The following SENP7 variants were observed in gnomAD, a reference collection of about 807,000 sequenced individuals.
SENP7 encodes the protein SUMO specific peptidase 7, also known as sentrin-specific protease 7.
A neutral mutation model predicts 141.2 loss-of-function variants in SENP7; 64 were observed. That is an observed-to-expected ratio of 0.45 (90% CI 0.37 to 0.56). The LOEUF is 0.56. Ranked by LOEUF, SENP7 falls within the 20% of genes least tolerant of loss-of-function variation. The pLI, the probability that SENP7 is intolerant of heterozygous loss-of-function variation, is 0.00. For missense variants in SENP7, 1,025 were observed against 1,212.2 expected (o/e 0.85, Z 2.29); for synonymous variants, 382 against 426.4 (o/e 0.90, Z 1.28).
intron 3 of SENP7, among the ~76,000 whole-genome samples, chr3:101,474,721 T>C (rs2064145472): frequency 6.6e-6 from 1 of 152,164 alleles, no homozygotes; most frequent in South Asian, 2.1e-4. Flanking sequence ...CTATGTTGAA[T>C]AAGAGTGATG....
intron 1 of SENP7, among the ~76,000 whole-genome samples, chr3:101,508,175 A>G (rs557359831): frequency 2.0e-5 from 3 of 152,224 alleles, no homozygotes; most frequent in Admixed American, 2.0e-4. Context: ...TTTACGTATC[A>G]TCAAAATTCA....
At chr3:101,480,798 G>A (rs1051608608) in intron 3 of SENP7, among the ~76,000 whole-genome samples, 17 of 151,854 alleles carry the variant, frequency 1.1e-4, no homozygotes, top group East Asian at 3.9e-4. Flanking sequence ...AACAAATCCC[G>A]TTAAACAGTG....
At chr3:101,500,097 T>A (rs1251252884) in intron 2 of SENP7, among the ~76,000 whole-genome samples, 1 of 152,220 alleles carries the variant, frequency 6.6e-6, no homozygotes, top group East Asian at 1.9e-4. Context: ...CCTTTATGAC[T>A]TCTTCTCCTT....
At chr3:101,444,825 T>C (rs1220103912) in intron 4 of SENP7, among the ~76,000 whole-genome samples, 1 of 151,686 alleles carries the variant, frequency 6.6e-6, no homozygotes, top group African/African-American at 2.4e-5. Flanking sequence ...CGCACCAGCA[T>C]GGCACACGTA....
intron 19 of SENP7, among the ~76,000 whole-genome samples, chr3:101,331,128 G>C (rs558388076): frequency 2.0e-5 from 3 of 152,032 alleles, no homozygotes; most frequent in South Asian, 4.2e-4. Flanking sequence ...TTTTTAAAAT[G>C]GTATAATACT....
At chr3:101,448,611 C>T (rs1434505829) in intron 4 of SENP7, among the ~76,000 whole-genome samples, 1 of 152,074 alleles carries the variant, frequency 6.6e-6, no homozygotes, top group Non-Finnish European at 1.5e-5. Context: ...TCAGTCTGCC[C>T]CTATTGTGGG....
intron 6 of SENP7, among the ~76,000 whole-genome samples, chr3:101,383,590 C>T (rs2060567956): frequency 6.6e-6 from 1 of 152,198 alleles, no homozygotes; most frequent in South Asian, 2.1e-4. Flanking sequence ...TCTCAGTGCC[C>T]ACTCCAATTC....
At chr3:101,331,305 T>C (rs1460790135) in intron 19 of SENP7, among the ~76,000 whole-genome samples, 1 of 151,498 alleles carries the variant, frequency 6.6e-6, no homozygotes, top group Non-Finnish European at 1.5e-5. Context: ...CATAGTGAGA[T>C]CCTATCTTTA....
intron 3 of SENP7, 96 bp from the exon 4 acceptor site, chr3:101,459,148 A>C (rs2063465464): frequency 1.6e-6 from 1 of 622,690 alleles, no homozygotes; most frequent in Non-Finnish European, 2.7e-6. Context: ...GTTATAAACG[A>C]TCAAATACAT....
At chr3:101,356,593 A>G (rs2059749292) in intron 11 of SENP7, among the ~76,000 whole-genome samples, 1 of 152,216 alleles carries the variant, frequency 6.6e-6, no homozygotes, top group African/African-American at 2.4e-5. Context: ...CTGAAGTGTC[A>G]GTACCTTATT....
At chr3:101,506,409 A>C (rs1187798183) in intron 1 of SENP7, among the ~76,000 whole-genome samples, 1 of 151,996 alleles carries the variant, frequency 6.6e-6, no homozygotes, top group Non-Finnish European at 1.5e-5. Flanking sequence ...ATATCATGAA[A>C]TCAATAATGT....
At chr3:101,384,027 G>A (rs559863397) in intron 6 of SENP7, among the ~76,000 whole-genome samples, 1 of 152,302 alleles carries the variant, frequency 6.6e-6, no homozygotes, top group South Asian at 2.1e-4. Context: ...AAAACCCCTG[G>A]ACTCAGCCAG....
chr3:101,495,044 C>G (rs1163305367), intron 2 of SENP7, among the ~76,000 whole-genome samples: 1 of 151,984 alleles, frequency 6.6e-6, no homozygotes, highest in Non-Finnish European at 1.5e-5. Flanking sequence ...CTGACAAACT[C>G]TAATATCCAG....
intron 6 of SENP7, among the ~76,000 whole-genome samples, chr3:101,387,248 C>A (rs73863098): frequency 6.6e-6 from 1 of 152,144 alleles, no homozygotes; most frequent in African/African-American, 2.4e-5. Context: ...AAAAAATCAA[C>A]CCACCATACC....
At chr3:101,327,913 G>A in intron 22 of SENP7, 97 bp from the exon 23 acceptor site, 3 of 956,658 alleles carry the variant, frequency 3.1e-6, no homozygotes, top group African/African-American at 3.4e-5. Flanking sequence ...TGCCAGATGT[G>A]CTGTCTCAAG....
intron 23 of SENP7, 108 bp downstream of exon 23, chr3:101,327,558 T>C (rs889516755): frequency 4.1e-5 from 31 of 764,644 alleles, no homozygotes; most frequent in Non-Finnish European, 4.7e-5. Flanking sequence ...AATTACCCAG[T>C]CTTGGGTATG....
At chr3:101,399,712 G>A (rs959147881) in intron 5 of SENP7, among the ~76,000 whole-genome samples, 3 of 152,120 alleles carry the variant, frequency 2.0e-5, no homozygotes, top group African/African-American at 7.2e-5. Flanking sequence ...CTGCAGCCTC[G>A]ATCTCCTGGC....
chr3:101,438,158 G>A lies in SENP7; in HGVS notation c.285-20368C>T, dbSNP rs193065632. Among the ~76,000 whole-genome samples, 5 of 152,242 alleles carry A rather than the reference G, an allele frequency of 3.3e-5. No individual in the cohort carries two copies. The East Asian group carries it at 5.8e-4, about 18-fold the overall frequency. ...GAGGTATTTGTACACCCATGTTAAC[G>A]ATAGCTAAAATATTAAAGTAAACCA... On this transcript the variant is annotated intron_variant, in intron 4 of 23. Coordinates refer to ENST00000394095, the MANE Select transcript of SENP7 (RefSeq NM_020654.5).
intron 16 of SENP7, 42 bp downstream of exon 16, chr3:101,340,053 A>G (rs764284575): frequency 2.0e-6 from 3 of 1,491,182 alleles, no homozygotes; most frequent in Non-Finnish European, 8.9e-7. Context: ...GTTTCTCAGT[A>G]AAATCTGTAA....
Sources: gnomAD v4.1 joint callset for allele counts (sites outside exome capture counted in the v4.1 genomes callset) on GRCh38, gnomAD v4.1.1 for gene constraint, MANE v1.5 for transcripts, NCBI Gene and HGNC (gene_info 2026-07-23, HGNC 2026-07-21) for gene names.